Variants in THADA observed in about 807,000 individuals in gnomAD.
The protein encoded by THADA is tRNA (32-2'-O)-methyltransferase regulator THADA.
Under a neutral mutation model 219.8 loss-of-function variants are expected in THADA, and 213 were observed. That is an observed-to-expected ratio of 0.97 (90% confidence interval 0.87 to 1.09). The LOEUF is 1.09. THADA is among the 50% of genes least tolerant of loss of function. The probability of loss-of-function intolerance (pLI) is 0.00; values close to 1 mark genes in which losing one functional copy is unlikely to be tolerated. For missense variants in THADA, 2,956 were observed against 2,311.3 expected, an observed-to-expected ratio of 1.28 and a Z score of -5.72; for synonymous variants, 1,018 against 828.9, an observed-to-expected ratio of 1.23 and a Z score of -3.92.
At chr2:43,569,891 A>G (rs1342120374) in intron 14 of THADA, among the ~76,000 whole-genome samples, 1 of 152,116 alleles carries the variant, frequency 6.6e-6, no homozygotes, top group Non-Finnish European at 1.5e-5. Context: ...GTTTCCATCC[A>G]TTTCATTAAC....
chr2:43,528,440 T>A (rs781656969), intron 21 of THADA, among the ~76,000 whole-genome samples: 2 of 151,252 alleles, frequency 1.3e-5, no homozygotes, highest in Admixed American at 6.6e-5. Flanking sequence ...ATTTTAAGTA[T>A]TTTTTTTTAA....
At chr2:43,275,545 G>GA (rs1332197317) in intron 36 of THADA, among the ~76,000 whole-genome samples, 1 of 152,116 alleles carries the variant, frequency 6.6e-6, no homozygotes, top group Non-Finnish European at 1.5e-5. Flanking sequence ...TCTGCCTGGG[G>GA]ACCTCCTGAT....
rs115252161 is a variant in THADA, at chr2:43,497,613, G to A, written c.3744+1220C>T. Among the ~76,000 whole-genome samples, 1,076 of 152,284 alleles carry A rather than the reference G, an allele frequency of 7.1e-3. 9 individuals are homozygous for A. Among genetic ancestry groups the A allele is most frequent in the African/African-American group, 0.025 (1,023 of 41,556 alleles). Reference sequence around the variant, plus strand: ...TTAAAACCTAGATGACAGGCTGAGCGTTATGGCTCATGCCTGTAATCCCAA... The same window carrying A: ...TTAAAACCTAGATGACAGGCTGAGCATTATGGCTCATGCCTGTAATCCCAA... On this transcript the variant is annotated intron_variant, in intron 25 of 37. Transcript: ENST00000405975.
At chr2:43,528,423 C>T (rs1381676979) in intron 21 of THADA, among the ~76,000 whole-genome samples, 3 of 152,090 alleles carry the variant, frequency 2.0e-5, no homozygotes, top group Non-Finnish European at 4.4e-5. Flanking sequence ...AGCCACTGTG[C>T]CCAGCCATTT....
At chr2:43,428,666 CT>C (rs555811213) in intron 27 of THADA, among the ~76,000 whole-genome samples, 7 of 149,420 alleles carry the variant, frequency 4.7e-5, no homozygotes, top group East Asian at 3.9e-4. Context: ...TTCCTTTTTT[CT>C]TTTTTTTTTC....
At chr2:43,337,321 A>G (rs1666568682) in intron 30 of THADA, among the ~76,000 whole-genome samples, 1 of 152,218 alleles carries the variant, frequency 6.6e-6, no homozygotes, top group South Asian at 2.1e-4. Context: ...CTGTTAACTC[A>G]TGCCAAGCTG....
rs139414064 is a variant in THADA at position 43,343,885 on chromosome 2, T to C, written c.4343+237A>G. The C allele has an allele frequency of 1.5e-3, 578 of 387,220 alleles. 4 individuals carry two copies. The East Asian group carries it at 0.019, about 13-fold the overall frequency. 24.0% of individuals were successfully genotyped at this position (387,220 alleles called of 1,614,324 possible). A position where few individuals can be genotyped will look rare whatever the true frequency, so the allele number is the denominator to read the frequency against. On this transcript the variant is annotated intron_variant, in intron 30 of 37. Coordinates refer to ENST00000405975, the MANE Select transcript of THADA (RefSeq NM_022065.5). ...GTTTCAACAAAAACAAGCTGATTGG[T>C]GGGCAGACAAAAAGCCATATTACAT...
intron 35 of THADA, among the ~76,000 whole-genome samples, chr2:43,282,747 A>T (rs1332148484): frequency 2.0e-5 from 3 of 152,198 alleles, no homozygotes; most frequent in Non-Finnish European, 4.4e-5. Flanking sequence ...AAAAAATTTT[A>T]AAAAAAGAAC....
At chr2:43,340,906 A>C (rs551272109) in intron 30 of THADA, among the ~76,000 whole-genome samples, 1 of 152,210 alleles carries the variant, frequency 6.6e-6, no homozygotes, top group South Asian at 2.1e-4. Flanking sequence ...CAACTCCCAG[A>C]ACAAGAGGAC....
chr2:43,260,555 T>C (rs2104201208), intron 36 of THADA, among the ~76,000 whole-genome samples: 1 of 152,328 alleles, frequency 6.6e-6, no homozygotes, highest in African/African-American at 2.4e-5. Context: ...AAGTACTTCC[T>C]CTGAAGACAG....
intron 36 of THADA, among the ~76,000 whole-genome samples, chr2:43,238,066 C>CCAAGAT (rs1668235540): frequency 8.0e-6 from 1 of 124,792 alleles, no homozygotes; most frequent in African/African-American, 3.1e-5. Context: ...TTGCAGTGAG[C>CCAAGAT]CAAGATCGTG....
intron 30 of THADA, among the ~76,000 whole-genome samples, chr2:43,322,847 G>A (rs146428809): frequency 0.024 from 3,596 of 151,424 alleles, 73 homozygotes; most frequent in African/African-American, 0.064. Context: ...CGCCACGCCC[G>A]GCTAATTTTT....
At chr2:43,312,025 C>A (rs1238233518) in intron 31 of THADA, among the ~76,000 whole-genome samples, 1 of 152,020 alleles carries the variant, frequency 6.6e-6, no homozygotes, top group Non-Finnish European at 1.5e-5. Context: ...AAAGGGAGAC[C>A]TCTCTCTACA....
intron 6 of THADA, 103 bp downstream of exon 6, chr2:43,586,599 T>C: frequency 1.5e-6 from 2 of 1,363,568 alleles, no homozygotes; most frequent in South Asian, 1.4e-5. Flanking sequence ...ACCTAAGTTA[T>C]CTACAATGCT....
intron 22 of THADA, among the ~76,000 whole-genome samples, chr2:43,519,511 A>G (rs1335890400): frequency 6.6e-6 from 1 of 152,192 alleles, no homozygotes; most frequent in East Asian, 1.9e-4. Flanking sequence ...AATGTCCCCA[A>G]AACTCCTCAT....
chr2:43,574,448 C>T lies in THADA; in HGVS notation c.1617G>A (p.Leu539=), dbSNP rs1280425538. The change falls in exon 11 of 38, where the codon TTG becomes TTA. Residue 539 remains leucine, a synonymous_variant. Coordinates refer to ENST00000405975, the MANE Select transcript of THADA (RefSeq NM_022065.5). ...PLLFILCEGN[L]DQKSYVIDYY... ...AATCAATCACGTAAGATTTTTGATC[C>T]AAGTTTCCTTCACACAATATAAAAA... 1.2e-6 allele frequency: 2 copies of T among 1,612,768 alleles called. No homozygotes were observed. The highest frequency in any genetic ancestry group is 3.3e-5 in the Admixed American group (2 of 59,772).
chr2:43,321,374 G>T (rs1678694001), intron 30 of THADA, among the ~76,000 whole-genome samples: 1 of 152,142 alleles, frequency 6.6e-6, no homozygotes, highest in Admixed American at 6.5e-5. Context: ...TGTAAAATGG[G>T]AACTGTATTA....
At chr2:43,547,217 T>C in intron 20 of THADA, among the ~76,000 whole-genome samples, 1 of 152,252 alleles carries the variant, frequency 6.6e-6, no homozygotes, top group Non-Finnish European at 1.5e-5. Flanking sequence ...TCTTCTGGCT[T>C]ATAGAGTTTC....
intron 24 of THADA, among the ~76,000 whole-genome samples, chr2:43,503,409 T>C (rs529161399): frequency 7.2e-5 from 11 of 152,288 alleles, no homozygotes; most frequent in African/African-American, 2.4e-4. Context: ...TAAAATATAA[T>C]GTTGATTGAC....
Sources: gnomAD v4.1 joint callset for allele counts (sites outside exome capture counted in the v4.1 genomes callset) on GRCh38, gnomAD v4.1.1 for gene constraint, MANE v1.5 for transcripts, NCBI Gene and HGNC (gene_info 2026-07-23, HGNC 2026-07-21) for gene names.